Variants in GMDS observed in about 807,000 individuals in gnomAD.
The protein encoded by GMDS is GDP-mannose 4,6 dehydratase.
In GMDS, 20 loss-of-function variants were observed where a neutral mutation model predicts 49.9. The ratio of observed to expected loss-of-function variants is 0.40; its 90% CI spans 0.28 to 0.58. The LOEUF (loss-of-function observed/expected upper bound fraction) is 0.58. GMDS is among the 20% of genes least tolerant of loss of function. GMDS has a pLI of 0.42. For synonymous variants in GMDS, 177 were observed against 178.6 expected, an observed-to-expected ratio of 0.99 and a Z score of 0.07; for missense variants, 362 against 481.4, an observed-to-expected ratio of 0.75 and a Z score of 2.32.
chr6:1,950,205 T>A (rs1051469599), intron 6 of GMDS, among the ~76,000 whole-genome samples: 1 of 152,232 alleles, frequency 6.6e-6, no homozygotes, highest in East Asian at 1.9e-4. Flanking sequence ...AAAACATCTA[T>A]GAATTCTAAT....
chr6:1,938,749 A>C (rs971004834), intron 6 of GMDS, among the ~76,000 whole-genome samples: 2 of 150,382 alleles, frequency 1.3e-5, no homozygotes, highest in Admixed American at 1.3e-4. Flanking sequence ...GCCTCTTTTC[A>C]CTCTATTTTC....
chr6:1,681,909 T>C (rs927368479), intron 9 of GMDS, among the ~76,000 whole-genome samples: 1 of 152,218 alleles, frequency 6.6e-6, no homozygotes, highest in Non-Finnish European at 1.5e-5. Flanking sequence ...TTGCCCAGGC[T>C]GGTCTCAATT....
chr6:1,960,349 T>TA lies in GMDS; in HGVS notation c.539-379dup, dbSNP rs540180990. ...TGAAGTCTTTCATTAATATTCTCCT[T>TA]ACAAACATATTAGACACAATAGTCT... On this transcript the variant is annotated intron_variant, in intron 5 of 10. Transcript: ENST00000380815. Among the ~76,000 whole-genome samples the TA allele has an allele frequency of 8.7e-5, 13 of 150,162 alleles. No individual in the cohort carries two copies. In the East Asian group the frequency reaches 2.2e-3, roughly 25 times the overall value.
chr6:1,986,607 A>C (rs1765562748), intron 4 of GMDS, among the ~76,000 whole-genome samples: 1 of 152,232 alleles, frequency 6.6e-6, no homozygotes, highest in Non-Finnish European at 1.5e-5. Flanking sequence ...CAGACTTTAC[A>C]TAATCAAACA....
Position 1,789,712 on chromosome 6 carries a change from A to AT in GMDS, c.772-47127dup, listed in dbSNP as rs1009240191. ...CACCACACTTGGCTAATTTTTGTGT[A>AT]TTTTTTTTGTAGAGATGGGGTCTCA... On this transcript the variant is annotated intron_variant, in intron 7 of 10. Transcript: ENST00000380815. Among the ~76,000 whole-genome samples, 24 of 151,026 alleles carry AT rather than the reference A, an allele frequency of 1.6e-4. No individual in the cohort carries two copies. In the South Asian group the frequency reaches 3.6e-3, roughly 22 times the overall value.
At chr6:1,983,690 C>T (rs1235953875) in intron 4 of GMDS, among the ~76,000 whole-genome samples, 1 of 151,964 alleles carries the variant, frequency 6.6e-6, no homozygotes, top group Non-Finnish European at 1.5e-5. Context: ...TCATGCCAGT[C>T]CAAAAGGCTA....
At chr6:1,757,897 G>C (rs1201928596) in intron 7 of GMDS, among the ~76,000 whole-genome samples, 2 of 152,154 alleles carry the variant, frequency 1.3e-5, no homozygotes, top group Non-Finnish European at 2.9e-5. Context: ...TCATTTAATC[G>C]AATATATCCA....
Position 1,951,588 on chromosome 6 carries a change from G to C in GMDS, c.643+8279C>G, listed in dbSNP as rs1008604351. On this transcript the variant is annotated intron_variant, in intron 6 of 10. Coordinates refer to ENST00000380815, the MANE Select transcript of GMDS (RefSeq NM_001500.4). ...ATTTTTTATTTTGTGGTAGGGATGA[G>C]GTTTCACTATATTGCTCAGGCTGGT... Among the ~76,000 whole-genome samples, 6 of 152,168 alleles carry C rather than the reference G, an allele frequency of 3.9e-5. No individual in the cohort carries two copies. The South Asian group carries it at 1.0e-3, about 26-fold the overall frequency.
chr6:1,814,207 C>T (rs773629234), intron 7 of GMDS, among the ~76,000 whole-genome samples: 6 of 152,206 alleles, frequency 3.9e-5, no homozygotes, highest in Non-Finnish European at 5.9e-5. Flanking sequence ...GTTAGCAAAA[C>T]TGGGAGGCTT....
intron 4 of GMDS, among the ~76,000 whole-genome samples, chr6:1,963,569 G>T (rs1232945362): frequency 6.6e-6 from 1 of 152,030 alleles, no homozygotes; most frequent in Non-Finnish European, 1.5e-5. Flanking sequence ...TTTGTGTATG[G>T]TTAGGGGTCC....
chr6:1,951,128 CAAAT>C (rs1238005694), intron 6 of GMDS, among the ~76,000 whole-genome samples: 1 of 151,632 alleles, frequency 6.6e-6, no homozygotes, highest in Non-Finnish European at 1.5e-5. Context: ...TTTACAGCAA[CAAAT>C]AAAGACAATC....
intron 9 of GMDS, among the ~76,000 whole-genome samples, chr6:1,683,674 G>C (rs1764873999): frequency 6.6e-6 from 1 of 152,180 alleles, no homozygotes. Context: ...CTTTAGACAT[G>C]AGAGGTGCTT....
At chr6:2,090,281 A>G (rs1468507851) in intron 4 of GMDS, among the ~76,000 whole-genome samples, 1 of 152,240 alleles carries the variant, frequency 6.6e-6, no homozygotes, top group Non-Finnish European at 1.5e-5. Context: ...AGCCATGGAA[A>G]TACCTGGTCC....
chr6:2,030,345 G>T (rs1768877687), intron 4 of GMDS, among the ~76,000 whole-genome samples: 1 of 152,324 alleles, frequency 6.6e-6, no homozygotes, highest in South Asian at 2.1e-4. Flanking sequence ...AGGCAAATCT[G>T]AATCTGGTGG....
At chr6:1,993,856 C>A (rs1766108782) in intron 4 of GMDS, among the ~76,000 whole-genome samples, 1 of 152,172 alleles carries the variant, frequency 6.6e-6, no homozygotes, top group African/African-American at 2.4e-5. Context: ...GCCTAAAAAG[C>A]TAGCTCTAGC....
At chr6:2,127,658 A>C (rs1350260350) in intron 1 of GMDS, among the ~76,000 whole-genome samples, 1 of 152,168 alleles carries the variant, frequency 6.6e-6, no homozygotes, top group Non-Finnish European at 1.5e-5. Context: ...CCGCACAATG[A>C]GTGGGAAACG....
At chr6:2,136,558 C>G (rs1776012081) in intron 1 of GMDS, among the ~76,000 whole-genome samples, 1 of 152,124 alleles carries the variant, frequency 6.6e-6, no homozygotes, top group Non-Finnish European at 1.5e-5. Flanking sequence ...CCCATCTCTA[C>G]AAAAGATTTT....
chr6:1,818,290 A>G (rs1434983559), intron 7 of GMDS, among the ~76,000 whole-genome samples: 6 of 152,040 alleles, frequency 3.9e-5, no homozygotes, highest in Admixed American at 1.3e-4. Context: ...CTAACGAGTG[A>G]AAGTTAAGTT....
chr6:2,218,904 A>T (rs145540486), intron 1 of GMDS, among the ~76,000 whole-genome samples: 2 of 152,164 alleles, frequency 1.3e-5, no homozygotes, highest in African/African-American at 2.4e-5. Context: ...TTTTTCACAG[A>T]TTCTAAGCAT....
Sources: allele counts gnomAD v4.1 joint callset (sites outside exome capture counted in the v4.1 genomes callset), GRCh38; gene constraint gnomAD v4.1.1; transcripts MANE v1.5; gene names NCBI Gene and HGNC (gene_info 2026-07-23, HGNC 2026-07-21).